AIM2: variants seen among roughly 807,000 people sequenced by gnomAD.
AIM2 encodes interferon-inducible protein AIM2.
A neutral mutation model predicts 27.7 loss-of-function variants in AIM2; 30 were observed. The observed-to-expected ratio is 1.08, with a 90% CI of 0.81 to 1.47. AIM2 has a LOEUF of 1.47. Ranked by LOEUF, AIM2 falls within the 40% of genes most tolerant of loss-of-function variation. The pLI, the probability that AIM2 is intolerant of heterozygous loss-of-function variation, is 0.00. For missense variants in AIM2, 358 were observed against 411.3 expected, an observed-to-expected ratio of 0.87 and a Z score of 1.12; for synonymous variants, 141 against 145.3, an observed-to-expected ratio of 0.97 and a Z score of 0.21.
chr1:159,138,803 C>T (rs948907234), intron 1 of AIM2, among the ~76,000 whole-genome samples: 6 of 152,172 alleles, frequency 3.9e-5, no homozygotes, highest in Non-Finnish European at 7.4e-5. Flanking sequence ...ATTTCAGGCA[C>T]TGAGAATACA....
upstream of AIM2, among the ~76,000 whole-genome samples, chr1:159,080,917 G>A (rs1656761541): frequency 6.6e-6 from 1 of 152,012 alleles, no homozygotes. Flanking sequence ...AAAAGACAGA[G>A]CCACAGGCCA....
chr1:159,135,626 T>C (rs1385032537), intron 1 of AIM2, among the ~76,000 whole-genome samples: 12 of 152,262 alleles, frequency 7.9e-5, no homozygotes, highest in Admixed American at 5.9e-4. Context: ...AATAGAAAAT[T>C]TTTTTAAGTT....
At chr1:159,069,832 C>T (rs1055495341) in intron 2 of AIM2, among the ~76,000 whole-genome samples, 2 of 152,160 alleles carry the variant, frequency 1.3e-5, no homozygotes, top group Admixed American at 6.5e-5. Context: ...CGTGAGCCAC[C>T]GCGCCTGGCC....
chr1:159,091,815 G>C (rs1657051085), intron 1 of AIM2, among the ~76,000 whole-genome samples: 1 of 152,172 alleles, frequency 6.6e-6, no homozygotes, highest in African/African-American at 2.4e-5. Context: ...TATTGAAAAG[G>C]GCCTGCTTAG....
chr1:159,075,821 A>G (rs1656585317), intron 1 of AIM2, among the ~76,000 whole-genome samples: 1 of 152,190 alleles, frequency 6.6e-6, no homozygotes, highest in East Asian at 1.9e-4. Flanking sequence ...AAAGTGGAAG[A>G]AATAAGCCAA....
At chr1:159,084,879 TC>T (rs554060987) in intron 1 of AIM2, among the ~76,000 whole-genome samples, 482 of 149,616 alleles carry the variant, frequency 3.2e-3, no homozygotes, top group Non-Finnish European at 5.3e-3. Flanking sequence ...AGGAACAAGG[TC>T]AAGACTAAAC....
At chr1:159,106,058 C>T (rs1198362424) in intron 1 of AIM2, among the ~76,000 whole-genome samples, 1 of 152,188 alleles carries the variant, frequency 6.6e-6, no homozygotes, top group Non-Finnish European at 1.5e-5. Context: ...TCAGCTACAA[C>T]TTTGCTCCAC....
chr1:159,105,047 G>T (rs189003088), intron 1 of AIM2, among the ~76,000 whole-genome samples: 231 of 152,294 alleles, frequency 1.5e-3, no homozygotes, highest in African/African-American at 5.1e-3. Context: ...AGCCTGGCAG[G>T]CTGTGCTTGG....
chr1:159,066,653 G>T (rs1376368571), intron 3 of AIM2, among the ~76,000 whole-genome samples: 1 of 152,112 alleles, frequency 6.6e-6, no homozygotes, highest in Non-Finnish European at 1.5e-5. Context: ...CTAAGCCTCG[G>T]GGTAAATCTG....
At chr1:159,123,776 T>G (rs1647606074) in intron 1 of AIM2, among the ~76,000 whole-genome samples, 1 of 152,194 alleles carries the variant, frequency 6.6e-6, no homozygotes, top group South Asian at 2.1e-4. Context: ...ACTGAACAAG[T>G]GCTAAACCAC....
chr1:159,117,581 G>A (rs1197709030), intron 1 of AIM2, among the ~76,000 whole-genome samples: 2 of 151,936 alleles, frequency 1.3e-5, no homozygotes, highest in African/African-American at 2.4e-5. Flanking sequence ...ATTATTCTTT[G>A]GACAAGGAAA....
At chr1:159,119,242 G>A (rs991886617) in intron 1 of AIM2, among the ~76,000 whole-genome samples, 1 of 152,080 alleles carries the variant, frequency 6.6e-6, no homozygotes, top group African/African-American at 2.4e-5. Flanking sequence ...TTTTGAGGTT[G>A]TTTGTTACTG....
At chr1:159,126,814 TATA>T (rs926236217) in intron 1 of AIM2, among the ~76,000 whole-genome samples, 2 of 152,248 alleles carry the variant, frequency 1.3e-5, no homozygotes, top group African/African-American at 4.8e-5. Context: ...CAGCATTGTT[TATA>T]ATAGACAAAA....
intron 1 of AIM2, among the ~76,000 whole-genome samples, chr1:159,101,898 A>G (rs1254298833): frequency 1.3e-5 from 2 of 152,228 alleles, no homozygotes; most frequent in Admixed American, 6.5e-5. Context: ...CATGTAGTAG[A>G]AAAGAAAAAC....
intron 1 of AIM2, among the ~76,000 whole-genome samples, chr1:159,128,910 C>A (rs1022985065): frequency 1.5e-4 from 23 of 152,188 alleles, no homozygotes; most frequent in African/African-American, 2.4e-4. Flanking sequence ...ATTGTTACCT[C>A]ACAGAAATTA....
chr1:159,111,880 AT>A (rs1657585357), intron 1 of AIM2, among the ~76,000 whole-genome samples: 1 of 150,266 alleles, frequency 6.7e-6, no homozygotes, highest in Non-Finnish European at 1.5e-5. Flanking sequence ...CTATCTATCT[AT>A]CTATACATAT....
intron 1 of AIM2, among the ~76,000 whole-genome samples, chr1:159,134,786 C>T (rs900067540): frequency 4.6e-5 from 7 of 151,972 alleles, no homozygotes; most frequent in South Asian, 2.1e-4. Context: ...GAGCTGAGAT[C>T]GCGACATTGC....
chr1:159,101,328 C>T (rs1256413575), intron 1 of AIM2, among the ~76,000 whole-genome samples: 1 of 152,138 alleles, frequency 6.6e-6, no homozygotes, highest in Non-Finnish European at 1.5e-5. Context: ...TGCCTTCTGC[C>T]TAGATTGTAA....
chr1:159,056,321 A>G, the AIM2 span, among the ~76,000 whole-genome samples: 4 of 150,886 alleles, frequency 2.7e-5, no homozygotes, highest in Non-Finnish European at 4.4e-5. Flanking sequence ...CCCAGTGCAC[A>G]CTCCTCCCAG....
Sources: gnomAD v4.1 joint callset for allele counts (sites outside exome capture counted in the v4.1 genomes callset) on GRCh38, gnomAD v4.1.1 for gene constraint, MANE v1.5 for transcripts, NCBI Gene and HGNC (gene_info 2026-07-23, HGNC 2026-07-21) for gene names.